Variants in SLC6A5 observed in about 807,000 individuals in gnomAD.
SLC6A5 encodes the protein sodium- and chloride-dependent glycine transporter 2.
SLC6A5 carries 58 observed loss-of-function variants against 90.5 expected under a neutral mutation model. The observed-to-expected ratio is 0.64, with a 90% confidence interval of 0.52 to 0.80. The LOEUF is 0.80. SLC6A5 is among the 30% of genes least tolerant of loss of function. The pLI, the probability that SLC6A5 is intolerant of heterozygous loss-of-function variation, is 0.00. For synonymous variants in SLC6A5, 427 were observed against 401.4 expected (o/e 1.06, Z -0.76); for missense variants, 1,015 against 1,017.6 (o/e 1.00, Z 0.03).
chr11:20,621,433 G>A (rs1422167786), intron 7 of SLC6A5, among the ~76,000 whole-genome samples: 1 of 152,190 alleles, frequency 6.6e-6, no homozygotes, highest in Non-Finnish European at 1.5e-5. Flanking sequence ...AATTCTTGGT[G>A]ATAGATTTTA....
intron 2 of SLC6A5, among the ~76,000 whole-genome samples, chr11:20,603,068 C>A (rs559571249): frequency 2.0e-5 from 3 of 152,270 alleles, no homozygotes; most frequent in East Asian, 1.9e-4. Flanking sequence ...TATTTTCAGC[C>A]CTGTCCATCT....
intron 10 of SLC6A5, among the ~76,000 whole-genome samples, chr11:20,634,033 G>C (rs1336700309): frequency 6.6e-6 from 1 of 152,066 alleles, no homozygotes; most frequent in Non-Finnish European, 1.5e-5. Context: ...CACTACGCCC[G>C]GCTAATTTTT....
intron 14 of SLC6A5, 137 bp from the exon 15 acceptor site, chr11:20,652,152 A>C (rs1853545664): frequency 1.3e-6 from 1 of 796,388 alleles, no homozygotes; most frequent in African/African-American, 1.7e-5. Context: ...TGAAAAATGG[A>C]TTAATAATAC....
chr11:20,637,183 C>A lies in SLC6A5; in HGVS notation c.1749C>A (p.Ile583=), dbSNP rs372092287. The A allele has an allele frequency of 4.3e-6, 7 of 1,613,988 alleles. No individual in the cohort carries two copies. The highest frequency in any genetic ancestry group is 5.9e-6 in the Non-Finnish European group (7 of 1,179,920). Residue 583 remains isoleucine, a synonymous_variant, in exon 12 of 16, where the codon ATC becomes ATA. Coordinates refer to ENST00000525748, the MANE Select transcript of SLC6A5 (RefSeq NM_004211.5). ...TGACACGGTTCCAGTTTGCCACCAT[C>A]GAGACCATAGTGACCTCCATCTCAG... ...TLGLDTMFAT[I]ETIVTSISDE... is the part of the protein sequence containing the mutation.
chr11:20,608,680 A>G (rs1237175455), intron 5 of SLC6A5, among the ~76,000 whole-genome samples: 1 of 152,172 alleles, frequency 6.6e-6, no homozygotes, highest in African/African-American at 2.4e-5. Flanking sequence ...AGATCTGTTA[A>G]TTCTCCTCAG....
intron 9 of SLC6A5, among the ~76,000 whole-genome samples, chr11:20,630,075 T>G (rs777710618): frequency 6.6e-6 from 1 of 152,196 alleles, no homozygotes; most frequent in Non-Finnish European, 1.5e-5. Context: ...CTAGAGTTTA[T>G]TTCTCCTACC....
chr11:20,618,711 T>C (rs894229317), intron 7 of SLC6A5, among the ~76,000 whole-genome samples: 1 of 151,516 alleles, frequency 6.6e-6, no homozygotes, highest in South Asian at 2.1e-4. Flanking sequence ...CTGAGGCGGG[T>C]GGATCATTTG....
chr11:20,639,144 A>G (rs1321039527), intron 13 of SLC6A5, among the ~76,000 whole-genome samples: 1 of 152,174 alleles, frequency 6.6e-6, no homozygotes, highest in African/African-American at 2.4e-5. Context: ...GCCATTATCA[A>G]CAACAGAAAT....
intron 8 of SLC6A5, 101 bp downstream of exon 8, chr11:20,626,943 G>A: frequency 1.1e-6 from 1 of 948,492 alleles, no homozygotes; most frequent in Non-Finnish European, 1.7e-6. Context: ...ATCCCAGTGT[G>A]TGCTTTTATA....
intron 7 of SLC6A5, among the ~76,000 whole-genome samples, chr11:20,618,798 A>G (rs1409441186): frequency 2.6e-5 from 4 of 152,054 alleles, no homozygotes; most frequent in Admixed American, 2.0e-4. Context: ...TTAGCTGGGC[A>G]TGGTGGGGGG....
At chr11:20,649,544 C>T (rs1205577997) in intron 14 of SLC6A5, among the ~76,000 whole-genome samples, 1 of 152,106 alleles carries the variant, frequency 6.6e-6, no homozygotes, top group Non-Finnish European at 1.5e-5. Flanking sequence ...TGTCGGAGGA[C>T]CAAGCCCAAC....
At chr11:20,650,945 C>T (rs1590183785) in intron 14 of SLC6A5, among the ~76,000 whole-genome samples, 2 of 151,844 alleles carry the variant, frequency 1.3e-5, no homozygotes, top group African/African-American at 4.8e-5. Flanking sequence ...GGATTACAGG[C>T]GTGAGCCACC....
At chr11:20,638,752 A>C (rs1853258939) in intron 13 of SLC6A5, among the ~76,000 whole-genome samples, 194 bp downstream of exon 13, 1 of 152,228 alleles carries the variant, frequency 6.6e-6, no homozygotes, top group East Asian at 1.9e-4. Context: ...TAGGGAAACA[A>C]GAGGTGGCTG....
chr11:20,623,177 G>A (rs989190714), intron 7 of SLC6A5, among the ~76,000 whole-genome samples: 3 of 152,142 alleles, frequency 2.0e-5, no homozygotes, highest in African/African-American at 4.8e-5. Flanking sequence ...AATGTGTCCT[G>A]GTCAGCAGTG....
At chr11:20,639,681 G>A (rs1290479897) in intron 13 of SLC6A5, among the ~76,000 whole-genome samples, 9 of 152,048 alleles carry the variant, frequency 5.9e-5, no homozygotes, top group East Asian at 5.8e-4. Context: ...TGCTTTTCTG[G>A]AAAACTCATT....
In SLC6A5 at chr11:20,655,810, T is replaced by C. The variant is rs1218193860; in HGVS notation, c.*942T>C. 1 of 152,158 alleles carries C rather than the reference T, an allele frequency of 6.6e-6. No individual in the cohort carries two copies. Among genetic ancestry groups the C allele is most frequent in the African/African-American group, 2.4e-5 (1 of 41,432 alleles). 9.4% of individuals were successfully genotyped at this position (152,158 alleles called of 1,614,324 possible). A position where few individuals can be genotyped will look rare whatever the true frequency, so the allele number is the denominator to read the frequency against. The stretch of plus-strand genomic sequence containing the variant: ...ACTTACCCTGGTTCTGTCTATATAT[T>C]ATATATATAGGACACATGCTCTTAA... On this transcript the variant is annotated 3_prime_UTR_variant, in exon 16 of 16. Coordinates refer to ENST00000525748, the MANE Select transcript of SLC6A5 (RefSeq NM_004211.5).
intron 14 of SLC6A5, among the ~76,000 whole-genome samples, chr11:20,649,204 T>C (rs1853478065): frequency 6.6e-6 from 1 of 152,218 alleles, no homozygotes; most frequent in South Asian, 2.1e-4. Flanking sequence ...TAGTTTCTAA[T>C]ATAAATCTTA....
chr11:20,632,664 A>T (rs948626965), intron 10 of SLC6A5, among the ~76,000 whole-genome samples: 3 of 152,068 alleles, frequency 2.0e-5, no homozygotes, highest in African/African-American at 7.2e-5. Flanking sequence ...ACCTGGATGT[A>T]TTTTTATATG....
intron 5 of SLC6A5, among the ~76,000 whole-genome samples, chr11:20,610,764 T>C (rs1852678859): frequency 6.6e-6 from 1 of 152,174 alleles, no homozygotes; most frequent in Non-Finnish European, 1.5e-5. Context: ...AAGTGGAGAT[T>C]CTCAACCAGG....
Sources: allele counts gnomAD v4.1 joint callset (sites outside exome capture counted in the v4.1 genomes callset), GRCh38; gene constraint gnomAD v4.1.1; transcripts MANE v1.5; gene names NCBI Gene and HGNC (gene_info 2026-07-23, HGNC 2026-07-21).